CFAP77: variants seen among roughly 807,000 people sequenced by gnomAD.
CFAP77 encodes cilia- and flagella-associated protein 77.
A neutral mutation model predicts 31.1 loss-of-function variants in CFAP77; 25 were observed. The ratio of observed to expected loss-of-function variants is 0.80; its 90% CI spans 0.59 to 1.12. The LOEUF is 1.12. Ranked by LOEUF, CFAP77 falls within the 50% of genes most tolerant of loss-of-function variation. The pLI, the probability that CFAP77 is intolerant of heterozygous loss-of-function variation, is 0.00. For missense variants in CFAP77, 377 were observed against 397.3 expected, an observed-to-expected ratio of 0.95 and a Z score of 0.44; for synonymous variants, 151 against 159.9, an observed-to-expected ratio of 0.94 and a Z score of 0.42.
At chr9:132,484,575 C>T (rs1851505656) in intron 1 of CFAP77, among the ~76,000 whole-genome samples, 1 of 152,182 alleles carries the variant, frequency 6.6e-6, no homozygotes. Context: ...TGCTTCATTC[C>T]CGGTTACGGC....
chr9:132,470,196 T>A (rs924624904), intron 1 of CFAP77, among the ~76,000 whole-genome samples: 1 of 152,162 alleles, frequency 6.6e-6, no homozygotes, highest in South Asian at 2.1e-4. Context: ...TGTGCAGCAA[T>A]GACAGTCGCA....
At chr9:132,411,163 A>C (rs977409461) in intron 1 of CFAP77, among the ~76,000 whole-genome samples, 1 of 152,070 alleles carries the variant, frequency 6.6e-6, no homozygotes, top group Non-Finnish European at 1.5e-5. Context: ...TGGCGGCCAC[A>C]CCTTCCCGGG....
chr9:132,543,886 G>A (rs1490713639), intron 5 of CFAP77, among the ~76,000 whole-genome samples: 3 of 152,202 alleles, frequency 2.0e-5, no homozygotes, highest in African/African-American at 7.2e-5. Flanking sequence ...CGGGGGCACC[G>A]TACGGAGAAA....
chr9:132,465,087 A>G (rs978945416), intron 1 of CFAP77, among the ~76,000 whole-genome samples: 11 of 146,366 alleles, frequency 7.5e-5, no homozygotes, highest in Non-Finnish European at 1.3e-4. Context: ...AAAAAAAAAA[A>G]AAAAAAGAAA....
chr9:132,502,205 C>T (rs1317445148), intron 3 of CFAP77, among the ~76,000 whole-genome samples: 2 of 151,556 alleles, frequency 1.3e-5, no homozygotes, highest in African/African-American at 4.9e-5. Flanking sequence ...TCCAATCTCC[C>T]CTCTTGCTTC....
chr9:132,514,816 C>T (rs4962184), intron 3 of CFAP77, among the ~76,000 whole-genome samples: 89,024 of 152,032 alleles, frequency 0.59, 26,866 homozygotes, highest in East Asian at 0.78. Flanking sequence ...AAGAGTCCTG[C>T]TAGGGAGACA....
intron 3 of CFAP77, among the ~76,000 whole-genome samples, chr9:132,526,216 G>GT (rs143050935): frequency 0.075 from 11,152 of 148,632 alleles, 493 homozygotes; most frequent in South Asian, 0.13. Context: ...TATGTGTTTA[G>GT]TTTTTTTTTT....
At chr9:132,560,264 AG>A (rs1371787057) in intron 5 of CFAP77, among the ~76,000 whole-genome samples, 3 of 152,202 alleles carry the variant, frequency 2.0e-5, no homozygotes, top group African/African-American at 7.2e-5. Context: ...GGGCCAGAAC[AG>A]GGTGATAATT....
rs1207816431 is a variant in CFAP77 at position 132,521,075 on chromosome 9, C to T, written c.525-16526C>T. ...TCCAGCCTGTCCTCGGCTTCAGGAA[C>T]CTCCTCTCATTCGTCTTCAGGAAGG... On this transcript the variant is annotated intron_variant, in intron 3 of 5. Transcript: ENST00000393216. Among the ~76,000 whole-genome samples, 7 of 152,372 alleles carry T rather than the reference C, an allele frequency of 4.6e-5. No individual in the cohort carries two copies. The East Asian group carries it at 1.2e-3, about 25-fold the overall frequency.
chr9:132,515,653 C>T (rs1852132666), intron 3 of CFAP77, among the ~76,000 whole-genome samples: 2 of 152,108 alleles, frequency 1.3e-5, no homozygotes, highest in Admixed American at 6.5e-5. Context: ...GAGGAATTCC[C>T]TCTTCTCTCT....
chr9:132,518,701 G>A (rs1852192520), intron 3 of CFAP77, among the ~76,000 whole-genome samples: 1 of 152,324 alleles, frequency 6.6e-6, no homozygotes, highest in Non-Finnish European at 1.5e-5. Context: ...CCTGTTCCCT[G>A]TCTGGAGCTC....
At chr9:132,474,903 G>A (rs764116447) in intron 1 of CFAP77, among the ~76,000 whole-genome samples, 5 of 152,176 alleles carry the variant, frequency 3.3e-5, no homozygotes, top group Non-Finnish European at 7.3e-5. Context: ...TTGAAGGCGT[G>A]TTTTAAGCTG....
chr9:132,497,858 G>A lies in CFAP77; in HGVS notation c.196-837G>A, dbSNP rs1228241787. On this transcript the variant is annotated intron_variant, in intron 1 of 5. Coordinates refer to ENST00000393216, the MANE Select transcript of CFAP77 (RefSeq NM_001282957.2). The surrounding 1 kb of genome is among the most constrained non-coding windows in gnomAD (Gnocchi z 4.9). ...GGGGTTCGAAGCACTGTGCAGGACA[G>A]GGTCTCTGACCTCGAGGAGCTGCTG... Among the ~76,000 whole-genome samples, 2 of 152,196 alleles carry A rather than the reference G, an allele frequency of 1.3e-5. No homozygotes were observed. The highest frequency in any genetic ancestry group is 2.9e-5 in the Non-Finnish European group (2 of 68,030).
At chr9:132,522,388 C>T (rs1215418739) in intron 3 of CFAP77, among the ~76,000 whole-genome samples, 5 of 152,134 alleles carry the variant, frequency 3.3e-5, no homozygotes, top group African/African-American at 4.8e-5. Context: ...CTCTGGGCTT[C>T]GCTTCCCATT....
chr9:132,505,162 C>T (rs570965910), intron 3 of CFAP77, among the ~76,000 whole-genome samples: 1 of 152,342 alleles, frequency 6.6e-6, no homozygotes, highest in African/African-American at 2.4e-5. Context: ...TTGTGACTGC[C>T]ACCCTGTGAG....
At chr9:132,525,265 C>T (rs1460135397) in intron 3 of CFAP77, among the ~76,000 whole-genome samples, 1 of 152,104 alleles carries the variant, frequency 6.6e-6, no homozygotes, top group Non-Finnish European at 1.5e-5. Context: ...AGTGATCCAC[C>T]CGCGTTGGCC....
intron 5 of CFAP77, among the ~76,000 whole-genome samples, chr9:132,571,770 G>A (rs1829962165): frequency 6.6e-6 from 1 of 151,950 alleles, no homozygotes; most frequent in African/African-American, 2.4e-5. Flanking sequence ...ACCAGGAGGC[G>A]AGGCGGGGTC....
intron 1 of CFAP77, among the ~76,000 whole-genome samples, chr9:132,430,276 G>A (rs770771630): frequency 1.1e-4 from 16 of 151,588 alleles, no homozygotes; most frequent in East Asian, 1.9e-4. Context: ...CTGTCCTTTC[G>A]TGGCATTTGT....
Position 132,501,431 on chromosome 9 carries a change from G to A in CFAP77, c.524+1831G>A, listed in dbSNP as rs188568110. Among the ~76,000 whole-genome samples, 1 of 144,170 alleles carries A rather than the reference G, an allele frequency of 6.9e-6. No individual in the cohort carries two copies. Among genetic ancestry groups the A allele is most frequent in the East Asian group, 2.0e-4 (1 of 4,946 alleles). The allele number at this position is 144,170 out of a possible 152,430, so 94.6% of individuals were successfully genotyped here. A position where few individuals can be genotyped will look rare whatever the true frequency, so the allele number is the denominator to read the frequency against. ...TTTTTTTTTTTTGGACAGTGTCTCTGTCTGTCCCCCAGGCTGGAGTGCAGT... is the reference window on the plus strand; with the variant it reads ...TTTTTTTTTTTTGGACAGTGTCTCTATCTGTCCCCCAGGCTGGAGTGCAGT... On this transcript the variant is annotated intron_variant, in intron 3 of 5. Transcript: ENST00000393216. This position sits in a 1 kb window ranked among gnomAD's most constrained non-coding sequence, Gnocchi z 4.6.
Sources: allele counts gnomAD v4.1 joint callset (sites outside exome capture counted in the v4.1 genomes callset), GRCh38; gene constraint gnomAD v4.1.1; non-coding constraint Gnocchi (gnomAD v3.1); transcripts MANE v1.5; gene names NCBI Gene and HGNC (gene_info 2026-07-23, HGNC 2026-07-21).